The following CTBS variants were observed in gnomAD, a reference collection of about 807,000 sequenced individuals.
CTBS encodes the protein di-N-acetylchitobiase.
A neutral mutation model predicts 44.3 loss-of-function variants in CTBS; 35 were observed. The ratio of observed to expected loss-of-function variants is 0.79; its 90% CI spans 0.60 to 1.05. CTBS has a LOEUF of 1.05. Ranked by LOEUF, CTBS falls within the 50% of genes least tolerant of loss-of-function variation. CTBS has a pLI of 0.00. For missense variants in CTBS, 458 were observed against 475.3 expected (o/e 0.96, Z 0.34); for synonymous variants, 143 against 168.0 (o/e 0.85, Z 1.15).
intron 6 of CTBS, among the ~76,000 whole-genome samples, chr1:84,556,604 C>G (rs1293235008): frequency 1.3e-5 from 2 of 151,114 alleles, no homozygotes; most frequent in Non-Finnish European, 2.9e-5. Flanking sequence ...CCCAGCTACT[C>G]TCGAGGCTGA....
chr1:84,563,946 A>G, intron 4 of CTBS, 114 bp from the exon 5 acceptor site: 1 of 1,212,108 alleles, frequency 8.3e-7, no homozygotes, highest in Non-Finnish European at 1.1e-6. Flanking sequence ...TTTATAAAAA[A>G]CACTAATATT....
In CTBS at chr1:84,551,644, G is replaced by C. The variant is rs965236157; in HGVS notation, c.*3355C>G. ...GATTCTTTTTACAAGCAGCATTCTCGAGGCTAAATAAGCCCTGGTTTGGCA... is the reference window on the plus strand; with the variant it reads ...GATTCTTTTTACAAGCAGCATTCTCCAGGCTAAATAAGCCCTGGTTTGGCA... On this transcript the variant is annotated 3_prime_UTR_variant, in exon 7 of 7. Coordinates refer to ENST00000370630, the MANE Select transcript of CTBS (RefSeq NM_004388.3). The C allele has an allele frequency of 6.6e-6, 1 of 152,006 alleles. No individual in the cohort carries two copies. Among genetic ancestry groups the C allele is most frequent in the Non-Finnish European group, 1.5e-5 (1 of 67,988 alleles). 9.4% of individuals were successfully genotyped at this position (152,006 alleles called of 1,614,324 possible).
chr1:84,555,707 C>T (rs570269713), intron 6 of CTBS, among the ~76,000 whole-genome samples: 37 of 152,288 alleles, frequency 2.4e-4, no homozygotes, highest in Non-Finnish European at 3.7e-4. Flanking sequence ...GAATCACTTG[C>T]GGAGCTTTTA....
chr1:84,569,509 T>C (rs181707509), intron 3 of CTBS, among the ~76,000 whole-genome samples: 1 of 152,314 alleles, frequency 6.6e-6, no homozygotes, highest in East Asian at 1.9e-4. Flanking sequence ...CAGTTCTGTG[T>C]AGTTAGTCCT....
intron 6 of CTBS, among the ~76,000 whole-genome samples, chr1:84,561,614 C>T (rs1684595165): frequency 6.6e-6 from 1 of 152,122 alleles, no homozygotes; most frequent in Non-Finnish European, 1.5e-5. Context: ...AGAAATCTTT[C>T]GTGAAAGGAA....
chr1:84,564,139 T>G (rs924470246), intron 4 of CTBS, among the ~76,000 whole-genome samples: 1 of 152,218 alleles, frequency 6.6e-6, no homozygotes, highest in Admixed American at 6.5e-5. Flanking sequence ...TTATATCTAT[T>G]AATTCTAAGA....
intron 4 of CTBS, among the ~76,000 whole-genome samples, chr1:84,564,463 T>C (rs1288225130): frequency 6.6e-6 from 1 of 152,200 alleles, no homozygotes; most frequent in African/African-American, 2.4e-5. Context: ...GAGCCTTTAA[T>C]GTTATTATGT....
At position 84,563,255 on chromosome 1, in the gene CTBS, A is replaced by G; in HGVS notation, c.957+2T>C. 2 of 1,495,372 alleles carry G rather than the reference A, an allele frequency of 1.3e-6. No individual in the cohort carries two copies. The highest frequency in any genetic ancestry group is 1.8e-6 in the Non-Finnish European group (2 of 1,120,434). The allele number at this position is 1,495,372 out of a possible 1,614,324, so 92.6% of individuals were successfully genotyped here. ...ATGCTCATAACTTACGAAAAGTCTTACTTTATAGTTATAATAAGGAGCCCG... is the reference window on the plus strand; with the variant it reads ...ATGCTCATAACTTACGAAAAGTCTTGCTTTATAGTTATAATAAGGAGCCCG... On this transcript the variant is annotated splice_donor_variant, in intron 6 of 6. Transcript: ENST00000370630. LOFTEE classifies it high-confidence loss of function.
chr1:84,572,759 C>G (rs1207534317), intron 1 of CTBS, among the ~76,000 whole-genome samples: 1 of 151,724 alleles, frequency 6.6e-6, no homozygotes, highest in Non-Finnish European at 1.5e-5. Context: ...TTCCGCCTCC[C>G]GCTCCGCCTC....
chr1:84,570,287 T>C (rs1411417844), intron 2 of CTBS, 148 bp from the exon 3 acceptor site: 3 of 690,520 alleles, frequency 4.3e-6, no homozygotes, highest in Non-Finnish European at 7.2e-6. Context: ...AAAATAACCA[T>C]TATAAATCAT....
At chr1:84,561,310 G>A (rs1041855715) in intron 6 of CTBS, among the ~76,000 whole-genome samples, 1 of 152,202 alleles carries the variant, frequency 6.6e-6, no homozygotes, top group African/African-American at 2.4e-5. Flanking sequence ...GAAACAGCAA[G>A]AGAATTAGAA....
At chr1:84,565,431 T>A (rs1243734775) in intron 4 of CTBS, among the ~76,000 whole-genome samples, 1 of 152,198 alleles carries the variant, frequency 6.6e-6, no homozygotes. Context: ...CCCAACCATA[T>A]CTATCTTTGC....
At position 84,565,899 on chromosome 1, in the gene CTBS, A is replaced by T; in HGVS notation, c.639T>A (p.Ser213Arg). Residue 213 changes from serine (S) to arginine (R), a missense_variant, in exon 4 of 7, where the codon AGT (serine) becomes AGA (arginine). Coordinates refer to ENST00000370630, the MANE Select transcript of CTBS (RefSeq NM_004388.3). The stretch of plus-strand genomic sequence containing the variant: ...CTGCAATACATTCTGACCAGATCTG[A>T]CTTTGTTCATCATAAGACATCACAA... ...FLFVMSYDEQSQIWSECIAAA... is the reference protein window; with the variant it reads ...FLFVMSYDEQRQIWSECIAAA... 1.9e-6 allele frequency: 3 copies of T among 1,594,780 alleles called. No individual in the cohort carries two copies. The highest frequency in any genetic ancestry group is 2.6e-6 in the Non-Finnish European group (3 of 1,171,526).
At chr1:84,558,231 T>C (rs1287465427) in intron 6 of CTBS, among the ~76,000 whole-genome samples, 1 of 152,082 alleles carries the variant, frequency 6.6e-6, no homozygotes, top group Non-Finnish European at 1.5e-5. Context: ...TCACAATGTA[T>C]AGATATATCA....
intron 1 of CTBS, 71 bp from the exon 2 acceptor site, chr1:84,570,791 T>C: frequency 1.4e-6 from 2 of 1,459,706 alleles, no homozygotes; most frequent in Non-Finnish European, 1.9e-6. Flanking sequence ...ATACCGTTCA[T>C]CAAACATCAC....
chr1:84,555,558 T>C (rs1440563864), intron 6 of CTBS, among the ~76,000 whole-genome samples: 2 of 152,226 alleles, frequency 1.3e-5, no homozygotes, highest in Non-Finnish European at 2.9e-5. Flanking sequence ...ACTTTCTAGG[T>C]ATTATTGCTT....
At chr1:84,567,302 C>T (rs1472003947) in intron 3 of CTBS, among the ~76,000 whole-genome samples, 1 of 152,044 alleles carries the variant, frequency 6.6e-6, no homozygotes, top group Non-Finnish European at 1.5e-5. Flanking sequence ...TTTATCACTG[C>T]CTCTTATTAC....
chr1:84,571,685 G>T (rs1189639301), intron 1 of CTBS, among the ~76,000 whole-genome samples: 1 of 152,192 alleles, frequency 6.6e-6, no homozygotes, highest in Non-Finnish European at 1.5e-5. Context: ...TAATGAGAGA[G>T]ACCAGGTCCA....
rs774904751 is a variant in CTBS at position 84,574,248 on chromosome 1, T to C, written c.168A>G (p.Pro56=). The part of the protein sequence containing the change: ...PELCRPIRHH[P]DFEVFVFDVG... ...AGAGGAAGGCGCTGACCTCGAAATC[T>C]GGATGGTGGCGAATCGGGCGGCAGA... The change falls in exon 1 of 7, where the codon CCA becomes CCG. Residue 56 remains proline (P), a synonymous_variant. Transcript: ENST00000370630. 1.0e-5 allele frequency: 16 copies of C among 1,605,470 alleles called. No homozygotes were observed. Among genetic ancestry groups the C allele is most frequent in the Non-Finnish European group, 1.3e-5 (15 of 1,176,842 alleles).
Sources: allele counts gnomAD v4.1 joint callset (sites outside exome capture counted in the v4.1 genomes callset), GRCh38; gene constraint gnomAD v4.1.1; transcripts MANE v1.5; gene names NCBI Gene and HGNC (gene_info 2026-07-23, HGNC 2026-07-21).